CSNK1G2: variants seen among roughly 807,000 people sequenced by gnomAD.
CSNK1G2 encodes the protein casein kinase I isoform gamma-2.
CSNK1G2 carries 11 observed loss-of-function variants against 48.0 expected under a neutral mutation model. The observed-to-expected ratio is 0.23, with a 90% confidence interval of 0.14 to 0.38. The LOEUF (loss-of-function observed/expected upper bound fraction) is 0.38, where lower values mean the gene tolerates loss of function less well. Ranked by LOEUF, CSNK1G2 falls within the 10% of genes least tolerant of loss-of-function variation. The probability of loss-of-function intolerance (pLI) is 1.00; values close to 1 mark genes in which losing one functional copy is unlikely to be tolerated. For missense variants in CSNK1G2, 446 were observed against 595.5 expected, an observed-to-expected ratio of 0.75 and a Z score of 2.61; for synonymous variants, 337 against 254.1, an observed-to-expected ratio of 1.33 and a Z score of -3.10.
At position 1,969,507 on chromosome 19, in the gene CSNK1G2, G is replaced by A; in HGVS notation, c.-265-1G>A. The A allele has an allele frequency of 3.4e-6, 1 of 297,660 alleles. No individual in the cohort carries two copies. The allele number at this position is 297,660 out of a possible 1,614,324, so 18.4% of individuals were successfully genotyped here. A position where few individuals can be genotyped will look rare whatever the true frequency, so the allele number is the denominator to read the frequency against. ...TCACCTGTGCCTCTGTTTCTCTGCAGCTGTGAGCCGTGAGCTTTGAGGCGG... is the reference window on the plus strand; with the variant it reads ...TCACCTGTGCCTCTGTTTCTCTGCAACTGTGAGCCGTGAGCTTTGAGGCGG... On this transcript the variant is annotated splice_acceptor_variant, in intron 1 of 11. Coordinates refer to ENST00000255641, the MANE Select transcript of CSNK1G2 (RefSeq NM_001319.7). LOFTEE classifies it low-confidence loss of function (5UTR_SPLICE).
At chr19:1,948,823 G>A (rs2145502187) in intron 1 of CSNK1G2, among the ~76,000 whole-genome samples, 1 of 152,352 alleles carries the variant, frequency 6.6e-6, no homozygotes. Flanking sequence ...AGAGGCCTCG[G>A]GAGGACACGT....
At chr19:1,969,203 G>A (rs1177976730) in intron 1 of CSNK1G2, among the ~76,000 whole-genome samples, 1 of 151,990 alleles carries the variant, frequency 6.6e-6, no homozygotes, top group Non-Finnish European at 1.5e-5. Context: ...TGCTCTCCTG[G>A]CAGTACACTC....
chr19:1,953,385 C>T (rs1376848113), intron 1 of CSNK1G2: 1 of 534,128 alleles, frequency 1.9e-6, no homozygotes. Flanking sequence ...GGTGTTCTCA[C>T]TTCCCCCGGA....
chr19:1,957,689 A>T lies in CSNK1G2; in HGVS notation c.-265-11819A>T, dbSNP rs1599298942. Among the ~76,000 whole-genome samples the T allele has an allele frequency of 3.3e-5, 5 of 152,180 alleles. 1 individual carries two copies. Among genetic ancestry groups the T allele is most frequent in the Admixed American group, 3.3e-4 (5 of 15,296 alleles). On this transcript the variant is annotated intron_variant, in intron 1 of 11. Transcript: ENST00000255641. The surrounding 1 kb of genome is among the most constrained non-coding windows in gnomAD (Gnocchi z 5.4). ...GGTGCGCAGGACCCCGGGTGACTGCAGACGTGGGCACAGAGGGGCCTCTGA... is the reference window on the plus strand; with the variant it reads ...GGTGCGCAGGACCCCGGGTGACTGCTGACGTGGGCACAGAGGGGCCTCTGA...
rs533368363 is a variant in CSNK1G2, at chr19:1,957,170, G to A, written c.-265-12338G>A. Among the ~76,000 whole-genome samples, 1 of 152,310 alleles carries A rather than the reference G, an allele frequency of 6.6e-6. No individual in the cohort carries two copies. Among genetic ancestry groups the A allele is most frequent in the African/African-American group, 2.4e-5 (1 of 41,570 alleles). ...GGCGGCTAGAAAGAAAAGCAACCTG[G>A]ACGCAGGCCCCACCTCCCTCCAGGC... On this transcript the variant is annotated intron_variant, in intron 1 of 11. Transcript: ENST00000255641. The surrounding 1 kb of genome is among the most constrained non-coding windows in gnomAD (Gnocchi z 5.4).
In CSNK1G2 at chr19:1,979,515, C is replaced by T. The variant is rs1056898992; in HGVS notation, c.874C>T (p.Arg292Cys). 1.9e-6 allele frequency: 3 copies of T among 1,590,888 alleles called. No individual in the cohort carries two copies. Among genetic ancestry groups the T allele is most frequent in the Non-Finnish European group, 2.6e-6 (3 of 1,170,286 alleles). ...TGCAGAGGAGATGGCCACGTACCTG[C>T]GCTATGTGCGGCGCCTGGACTTCTT... ...NFPEEMATYL[R>C]YVRRLDFFEK... The change falls in exon 9 of 12, where the codon CGC (arginine) becomes TGC (cysteine). Residue 292 changes from arginine to cysteine, a missense_variant. Around this residue, in one of 2 missense-constraint regions of CSNK1G2, gnomAD observed 188 missense variants for 179.6 expected, o/e 1.05. Coordinates refer to ENST00000255641, the MANE Select transcript of CSNK1G2 (RefSeq NM_001319.7).
chr19:1,961,137 G>A (rs879469481), intron 1 of CSNK1G2, among the ~76,000 whole-genome samples: 1 of 152,270 alleles, frequency 6.6e-6, no homozygotes, highest in Non-Finnish European at 1.5e-5. Flanking sequence ...GTGGAAAGAC[G>A]GATGGACGGG....
chr19:1,960,021 A>G (rs1405820060), intron 1 of CSNK1G2, among the ~76,000 whole-genome samples: 7 of 152,288 alleles, frequency 4.6e-5, no homozygotes, highest in African/African-American at 1.4e-4. Flanking sequence ...CTGCTGTTGT[A>G]AAGGGCATAA....
Position 1,978,337 on chromosome 19 carries a change from A to G in CSNK1G2, c.220A>G (p.Ile74Val). ...KNLYTNEYVA[I>V]KLEPIKSRAP... The stretch of plus-strand genomic sequence containing the variant: ...TCTCTATACAAATGAATACGTGGCT[A>G]TCAAATTGGTGAGTCGGCCCCTCCA... The change falls in exon 3 of 12, where the codon ATC becomes GTC. Residue 74 changes from isoleucine to valine, a missense_variant. Transcript: ENST00000255641. This position sits in a 1 kb window ranked among gnomAD's most constrained non-coding sequence, Gnocchi z 7.3. 1 of 1,613,442 alleles carries G rather than the reference A, an allele frequency of 6.2e-7. No individual in the cohort carries two copies. The highest frequency in any genetic ancestry group is 8.5e-7 in the Non-Finnish European group (1 of 1,179,866).
At position 1,978,522 on chromosome 19, in the gene CSNK1G2, GC is replaced by G; in HGVS notation, c.298+14del. ...AGCTCAGCGCCACAGGTACCGGGCG[GC>G]CCGCGGGTGGGGCGGGGGCTGCGCA... On this transcript the variant is annotated intron_variant, in intron 4 of 11. Coordinates refer to ENST00000255641, the MANE Select transcript of CSNK1G2 (RefSeq NM_001319.7). The surrounding 1 kb of genome is among the most constrained non-coding windows in gnomAD (Gnocchi z 7.3). 18 of 1,574,410 alleles carry G rather than the reference GC, an allele frequency of 1.1e-5. No individual in the cohort carries two copies. The highest frequency in any genetic ancestry group is 1.6e-5 in the Non-Finnish European group (18 of 1,161,206).
intron 2 of CSNK1G2, chr19:1,975,311 G>C (rs2015715902): frequency 1.0e-6 from 1 of 985,386 alleles, no homozygotes; most frequent in Non-Finnish European, 1.2e-6. Flanking sequence ...ACAGGCGAGG[G>C]CTTGTCCTCC....
intron 1 of CSNK1G2, among the ~76,000 whole-genome samples, chr19:1,942,088 C>T (rs1368189003): frequency 6.6e-6 from 1 of 152,092 alleles, no homozygotes. Flanking sequence ...TGGTCTGATC[C>T]GCAGGGACCT....
At chr19:1,973,254 C>T (rs907273626) in intron 2 of CSNK1G2, among the ~76,000 whole-genome samples, 3 of 150,448 alleles carry the variant, frequency 2.0e-5, no homozygotes, top group Non-Finnish European at 4.4e-5. Context: ...GACAGAGTCT[C>T]ACTCTCTTGC....
Position 1,979,373 on chromosome 19 carries a change from C to T in CSNK1G2, c.823C>T (p.Pro275Ser). The change falls in exon 8 of 12, where the codon CCC (proline) becomes TCC (serine). Residue 275 changes from proline to serine, a missense_variant. Pro to Ser is a moderately conservative substitution (Grantham distance 74). Coordinates refer to ENST00000255641, the MANE Select transcript of CSNK1G2 (RefSeq NM_001319.7). ...QKIGDTKRATPIEVLCENFPE... is the reference protein window; with the variant it reads ...QKIGDTKRATSIEVLCENFPE... ...GATCGGGGACACCAAACGCGCCACGCCCATCGAGGTGCTCTGCGAGAACTT... is the reference window on the plus strand; with the variant it reads ...GATCGGGGACACCAAACGCGCCACGTCCATCGAGGTGCTCTGCGAGAACTT... 6.2e-7 allele frequency: 1 copy of T among 1,602,886 alleles called. No homozygotes were observed. The highest frequency in any genetic ancestry group is 1.1e-5 in the South Asian group (1 of 89,028).
Position 1,978,178 on chromosome 19 carries a change from G to A in CSNK1G2, c.188-127G>A. The stretch of plus-strand genomic sequence containing the variant: ...GGCTGGGCCCAGGCCCTGCTGCTGG[G>A]CAGTGGTGTCATTTGGAGGGTGGTC... On this transcript the variant is annotated intron_variant, in intron 2 of 11. Coordinates refer to ENST00000255641, the MANE Select transcript of CSNK1G2 (RefSeq NM_001319.7). This position sits in a 1 kb window ranked among gnomAD's most constrained non-coding sequence, Gnocchi z 7.3. 2 of 935,870 alleles carry A rather than the reference G, an allele frequency of 2.1e-6. No homozygotes were observed. The highest frequency in any genetic ancestry group is 1.4e-5 in the South Asian group (1 of 71,276). The allele number at this position is 935,870 out of a possible 1,614,324, so 58.0% of individuals were successfully genotyped here.
intron 1 of CSNK1G2, among the ~76,000 whole-genome samples, chr19:1,966,040 C>T (rs1293892155): frequency 2.0e-5 from 3 of 152,256 alleles, no homozygotes; most frequent in Non-Finnish European, 2.9e-5. Flanking sequence ...CTCAAGCAGT[C>T]TGCCTGCGTC....
intron 1 of CSNK1G2, among the ~76,000 whole-genome samples, chr19:1,949,649 G>A (rs2145503950): frequency 6.6e-6 from 1 of 152,370 alleles, no homozygotes; most frequent in South Asian, 2.1e-4. Flanking sequence ...GGAACCGCTG[G>A]TCACAGGGCC....
intron 1 of CSNK1G2, among the ~76,000 whole-genome samples, chr19:1,960,453 A>G (rs2015160903): frequency 6.6e-6 from 1 of 152,178 alleles, no homozygotes; most frequent in Non-Finnish European, 1.5e-5. Context: ...GCCTCTGGGC[A>G]GTGTCCCCTC....
chr19:1,947,082 C>G (rs748163467), intron 1 of CSNK1G2, among the ~76,000 whole-genome samples: 1 of 152,232 alleles, frequency 6.6e-6, no homozygotes, highest in Non-Finnish European at 1.5e-5. Context: ...CAGAGAAAAT[C>G]TTAGAGGTTT....
Sources: gnomAD v4.1 joint callset for allele counts (sites outside exome capture counted in the v4.1 genomes callset) on GRCh38, gnomAD v4.1.1 for gene constraint, gnomAD v4.1.1 regional missense constraint, Gnocchi (gnomAD v3.1) non-coding constraint, MANE v1.5 for transcripts, NCBI Gene and HGNC (gene_info 2026-07-23, HGNC 2026-07-21) for gene names.